The following ESR1 variants were observed in gnomAD, a reference collection of about 807,000 sequenced individuals.
ESR1 encodes the protein estrogen receptor 1, also known as estrogen receptor.
In ESR1, 12 loss-of-function variants were observed where a neutral mutation model predicts 52.7. The ratio of observed to expected loss-of-function variants is 0.23; its 90% CI spans 0.15 to 0.37. ESR1 has a LOEUF of 0.37. ESR1 is among the 10% of genes least tolerant of loss of function. The pLI is 1.00. For missense variants in ESR1, 584 were observed against 779.7 expected (o/e 0.75, Z 2.99); for synonymous variants, 305 against 316.8 (o/e 0.96, Z 0.39).
intron 5 of ESR1, among the ~76,000 whole-genome samples, chr6:152,055,050 C>T (rs1312268674): frequency 1.3e-5 from 2 of 152,148 alleles, no homozygotes; most frequent in South Asian, 2.1e-4. Flanking sequence ...TTCCATTGTA[C>T]ATATATTCCA....
intron 2 of ESR1, among the ~76,000 whole-genome samples, chr6:151,747,009 C>T (rs975530336): frequency 3.3e-5 from 5 of 152,244 alleles, no homozygotes; most frequent in African/African-American, 1.2e-4. Flanking sequence ...TTTTCTAGCA[C>T]AAGCTATCCA....
In ESR1 at chr6:151,859,794, T is replaced by A. The variant is rs1788543907; in HGVS notation, c.643+17007T>A. ...CAGTAACATGTACAGAGGTGATCCC[T>A]GGGGCTCGCCCTGTGAAATCATTGT... On this transcript the variant is annotated intron_variant, in intron 2 of 7. Transcript: ENST00000206249. 4.6e-5 allele frequency among the ~76,000 whole-genome samples: 7 copies of A among 152,308 alleles called. No individual in the cohort carries two copies. In the South Asian group the frequency reaches 1.2e-3, roughly 27 times the overall value.
At chr6:151,771,844 A>C (rs987563527) in intron 2 of ESR1, among the ~76,000 whole-genome samples, 2 of 152,236 alleles carry the variant, frequency 1.3e-5, no homozygotes, top group African/African-American at 4.8e-5. Context: ...TAATTAAAAA[A>C]AACAACAACT....
exon 7 of ESR1, chr6:152,127,915 C>T (rs907010565): frequency 4.6e-5 from 7 of 152,106 alleles, no homozygotes; most frequent in Non-Finnish European, 8.8e-5. Context: ...TTCAGTGTTT[C>T]GGCCAGTCAT....
intron 5 of ESR1, among the ~76,000 whole-genome samples, chr6:152,048,361 C>CAAAA (rs1180207041): frequency 1.6e-5 from 1 of 62,276 alleles, no homozygotes; most frequent in Non-Finnish European, 3.0e-5. Flanking sequence ...GACACCATCT[C>CAAAA]AAAAAAAAAA....
At chr6:151,922,353 A>T (rs2031864662) in intron 3 of ESR1, among the ~76,000 whole-genome samples, 1 of 152,220 alleles carries the variant, frequency 6.6e-6, no homozygotes, top group Non-Finnish European at 1.5e-5. Flanking sequence ...ATATTTAAGG[A>T]GTGAGAAGAT....
chr6:151,695,975 T>C (rs1415133238), intron 1 of ESR1, among the ~76,000 whole-genome samples: 1 of 152,214 alleles, frequency 6.6e-6, no homozygotes, highest in Non-Finnish European at 1.5e-5. Context: ...AATTTAAAAT[T>C]TTGGAAATCG....
chr6:151,977,005 G>T (rs1295802663), intron 4 of ESR1, among the ~76,000 whole-genome samples: 1 of 152,052 alleles, frequency 6.6e-6, no homozygotes, highest in Non-Finnish European at 1.5e-5. Context: ...AAGTATGGTG[G>T]CTAGATGCCA....
intron 2 of ESR1, among the ~76,000 whole-genome samples, chr6:151,758,554 A>G (rs1784437572): frequency 6.6e-6 from 1 of 152,020 alleles, no homozygotes; most frequent in African/African-American, 2.4e-5. Context: ...TGAGGTCAGG[A>G]GTTCGAGACC....
intron 2 of ESR1, among the ~76,000 whole-genome samples, chr6:151,863,843 A>C (rs1235840990): frequency 6.6e-6 from 1 of 152,224 alleles, no homozygotes; most frequent in East Asian, 1.9e-4. Context: ...AGTGCTGGGA[A>C]AACTGGCTAG....
rs545493673 is a variant in ESR1 at position 152,015,761 on chromosome 6, T to G, written c.1235+3967T>G. Among the ~76,000 whole-genome samples the G allele has an allele frequency of 7.2e-5, 11 of 152,288 alleles. No homozygotes were observed. In the South Asian group the frequency reaches 2.3e-3, roughly 32 times the overall value. On this transcript the variant is annotated intron_variant, in intron 5 of 7. Coordinates refer to ENST00000206249, the MANE Select transcript of ESR1 (RefSeq NM_000125.4). ...ACATATCTATGTGTTTTGGAAAGATTTTCTTAATCTATAAGCGCATTTGGC... is the reference window on the plus strand; with the variant it reads ...ACATATCTATGTGTTTTGGAAAGATGTTCTTAATCTATAAGCGCATTTGGC...
chr6:151,895,118 T>C (rs1327018600), intron 3 of ESR1, among the ~76,000 whole-genome samples: 1 of 122,264 alleles, frequency 8.2e-6, no homozygotes, highest in Non-Finnish European at 1.6e-5. Context: ...TCTTGGTTAG[T>C]TTTTGTTTTT....
intron 2 of ESR1, among the ~76,000 whole-genome samples, chr6:151,703,441 A>G (rs1241377098): frequency 1.3e-5 from 2 of 152,148 alleles, no homozygotes; most frequent in African/African-American, 4.8e-5. Context: ...CCTCTGGCTT[A>G]GGAATTTTAA....
At chr6:151,980,087 A>T (rs1194462012) in intron 4 of ESR1, among the ~76,000 whole-genome samples, 1 of 152,230 alleles carries the variant, frequency 6.6e-6, no homozygotes, top group African/African-American at 2.4e-5. Flanking sequence ...ATGTACTTCT[A>T]GTTGTCACTT....
At position 152,094,830 on chromosome 6, in the gene ESR1, T is replaced by A. The variant is rs185257258; in HGVS notation, c.1553+262T>A. ...TAAAGCATGTGCTTTGGGGCAGTGG[T>A]TTAGAGATTGGGTGCAGTGTGCAAA... On this transcript the variant is annotated intron_variant, in intron 7 of 7. Transcript: ENST00000206249. This position sits in a 1 kb window ranked among gnomAD's most constrained non-coding sequence, Gnocchi z 4.6. 3.3e-4 allele frequency among the ~76,000 whole-genome samples: 50 copies of A among 152,230 alleles called. No individual in the cohort carries two copies. Among genetic ancestry groups the A allele is most frequent in the African/African-American group, 1.1e-3 (47 of 41,536 alleles).
chr6:151,963,009 C>A (rs919187483), intron 4 of ESR1, among the ~76,000 whole-genome samples: 4 of 152,078 alleles, frequency 2.6e-5, no homozygotes, highest in South Asian at 2.1e-4. Context: ...TGAGGATATT[C>A]ATTATAGGTT....
At chr6:152,062,778 C>T (rs3822987) in intron 6 of ESR1, among the ~76,000 whole-genome samples, 7,499 of 152,086 alleles carry the variant, frequency 0.049, 292 homozygotes, top group South Asian at 0.16. Context: ...CTCCCCACCC[C>T]GAACTTTTAC....
intron 5 of ESR1, among the ~76,000 whole-genome samples, chr6:152,018,552 C>G (rs1441519250): frequency 3.3e-5 from 5 of 151,902 alleles, no homozygotes; most frequent in Admixed American, 6.6e-5. Context: ...GGGTGGTACA[C>G]TCAAAGGAGG....
At chr6:151,701,521 C>G (rs1158401252) in intron 1 of ESR1, among the ~76,000 whole-genome samples, 1 of 108,456 alleles carries the variant, frequency 9.2e-6, no homozygotes, top group Non-Finnish European at 1.7e-5. Context: ...AAGAGCGACA[C>G]TACATCTCAA....
Sources: gnomAD v4.1 joint callset for allele counts (sites outside exome capture counted in the v4.1 genomes callset) on GRCh38, gnomAD v4.1.1 for gene constraint, Gnocchi (gnomAD v3.1) non-coding constraint, MANE v1.5 for transcripts, NCBI Gene and HGNC (gene_info 2026-07-23, HGNC 2026-07-21) for gene names.